Variants in GOLGA8B observed in about 807,000 individuals in gnomAD.
GOLGA8B encodes the protein golgin subfamily A member 8B.
Under a neutral mutation model 15.6 loss-of-function variants are expected in GOLGA8B, and 1 was observed. The observed-to-expected ratio is 0.06, with a 90% CI of 0.02 to 0.30. The LOEUF (loss-of-function observed/expected upper bound fraction) is 0.30, where lower values mean the gene tolerates loss of function less well. Among genes scored for constraint, GOLGA8B ranks in the 10% least tolerant of loss-of-function variants. GOLGA8B has a pLI of 1.00. For synonymous variants in GOLGA8B, 9 were observed against 80.3 expected (o/e 0.11, Z 4.75); for missense variants, 17 against 201.3 (o/e 0.08, Z 5.54).
At chr15:34,581,307 T>TGTGGTGGTGG (rs1197271729) in intron 1 of GOLGA8B, among the ~76,000 whole-genome samples, 1 of 152,174 alleles carries the variant, frequency 6.6e-6, no homozygotes, top group African/African-American at 2.4e-5. Flanking sequence ...CAGCCCTCAC[T>TGTGGTGGTGG]GCAGCCACCG....
chr15:34,575,315 T>C (rs1284971216), intron 1 of GOLGA8B, among the ~76,000 whole-genome samples: 1 of 149,296 alleles, frequency 6.7e-6, no homozygotes, highest in East Asian at 2.0e-4. Context: ...CTTCTGCTCA[T>C]ACCTCCCCAC....
chr15:34,571,667 T>C (rs1413006594), intron 1 of GOLGA8B, among the ~76,000 whole-genome samples: 1 of 150,766 alleles, frequency 6.6e-6, no homozygotes, highest in East Asian at 1.9e-4. Flanking sequence ...AAATACATTT[T>C]AGATCAAAGA....
intron 1 of GOLGA8B, among the ~76,000 whole-genome samples, chr15:34,557,298 G>A (rs143380221): frequency 0.25 from 14,969 of 59,524 alleles, 168 homozygotes; most frequent in Middle Eastern, 0.37. Context: ...CACAATGGAC[G>A]GGTGTCTGAA....
rs942477718 is a variant in GOLGA8B, at chr15:34,526,339, C to G, written c.*1293G>C. 1 of 149,524 alleles carries G rather than the reference C, an allele frequency of 6.7e-6. No individual in the cohort carries two copies. Among genetic ancestry groups the G allele is most frequent in the Non-Finnish European group, 1.5e-5 (1 of 67,270 alleles). 9.3% of individuals were successfully genotyped at this position (149,524 alleles called of 1,614,324 possible). ...TTCCTTTTTGTTTCAACTAAGTACT[C>G]TCACATATATTAGTTTATAATAATG... On this transcript the variant is annotated 3_prime_UTR_variant, in exon 24 of 24. Transcript: ENST00000683415.
chr15:34,560,754 G>GC (rs921282353), intron 1 of GOLGA8B, among the ~76,000 whole-genome samples: 1 of 91,268 alleles, frequency 1.1e-5, no homozygotes, highest in African/African-American at 3.9e-5. Flanking sequence ...GCAGGCTTGA[G>GC]CCTTCGATAG....
At chr15:34,576,561 GA>G (rs1227953691) in intron 1 of GOLGA8B, among the ~76,000 whole-genome samples, 1 of 152,196 alleles carries the variant, frequency 6.6e-6, no homozygotes, top group Non-Finnish European at 1.5e-5. Context: ...AAAGGGTAGA[GA>G]AAGTTCACAG....
In GOLGA8B at chr15:34,526,658, G is replaced by A. The variant is rs1316589722; in HGVS notation, c.*974C>T. 6.7e-6 allele frequency: 1 copy of A among 149,180 alleles called. No homozygotes were observed. The highest frequency in any genetic ancestry group is 1.5e-5 in the Non-Finnish European group (1 of 67,194). The allele number at this position is 149,180 out of a possible 1,614,324, so 9.2% of individuals were successfully genotyped here. A position where few individuals can be genotyped will look rare whatever the true frequency, so the allele number is the denominator to read the frequency against. ...TACATTAAGAAGAATGCCAACCAGC[G>A]CCCTTTCGTGTACTGGGACAGGTAG... On this transcript the variant is annotated 3_prime_UTR_variant, in exon 24 of 24. Transcript: ENST00000683415.
At chr15:34,581,922 C>G (rs1353394455) in intron 1 of GOLGA8B, among the ~76,000 whole-genome samples, 1 of 152,212 alleles carries the variant, frequency 6.6e-6, no homozygotes, top group Non-Finnish European at 1.5e-5. Flanking sequence ...CCCAACAGTA[C>G]TGCTAGAGCC....
At chr15:34,564,355 T>TA (rs58970262) in intron 1 of GOLGA8B, among the ~76,000 whole-genome samples, 13,028 of 105,252 alleles carry the variant, frequency 0.12, 187 homozygotes, top group South Asian at 0.2. Flanking sequence ...TGTAGATTCT[T>TA]AAAAAAAAAA....
intron 7 of GOLGA8B, among the ~76,000 whole-genome samples, chr15:34,542,819 G>GT (rs1168104720): frequency 7.5e-6 from 1 of 133,082 alleles, no homozygotes; most frequent in Non-Finnish European, 1.6e-5. Context: ...AGATGGATTA[G>GT]AACAGCTGGA....
At chr15:34,581,231 G>A (rs557328729) in intron 1 of GOLGA8B, among the ~76,000 whole-genome samples, 34 of 152,284 alleles carry the variant, frequency 2.2e-4, no homozygotes, top group African/African-American at 6.0e-4. Context: ...GAGGAGTGCC[G>A]GAGAGGAGCT....
rs1039446703 is a variant in GOLGA8B, at chr15:34,526,802, C to T, written c.*830G>A. The T allele has an allele frequency of 1.3e-5, 2 of 149,264 alleles. No individual in the cohort carries two copies. The highest frequency in any genetic ancestry group is 3.0e-5 in the Non-Finnish European group (2 of 67,230). 9.2% of individuals were successfully genotyped at this position (149,264 alleles called of 1,614,324 possible). A position where few individuals can be genotyped will look rare whatever the true frequency, so the allele number is the denominator to read the frequency against. ...CCAACGATGGCAGCCTTTCATTCCT[C>T]GGAAATAAGCCATTTTTAGGTCACT... On this transcript the variant is annotated 3_prime_UTR_variant, in exon 24 of 24. Coordinates refer to ENST00000683415, the MANE Select transcript of GOLGA8B (RefSeq NM_001023567.5).
At chr15:34,572,153 T>TC (rs1165752772) in intron 1 of GOLGA8B, among the ~76,000 whole-genome samples, 2 of 152,192 alleles carry the variant, frequency 1.3e-5, no homozygotes, top group Non-Finnish European at 2.9e-5. Context: ...ACTGATCATG[T>TC]CCAGAGAGTG....
chr15:34,562,667 C>G lies in GOLGA8B; in HGVS notation c.-1122-8711G>C, dbSNP rs990966799. Among the ~76,000 whole-genome samples the G allele has an allele frequency of 1.1e-4, 14 of 124,660 alleles. 1 individual carries two copies. Among genetic ancestry groups the G allele is most frequent in the African/African-American group, 3.8e-4 (14 of 36,396 alleles). The allele number at this position is 124,660 out of a possible 152,430, so 81.8% of individuals were successfully genotyped here. A position where few individuals can be genotyped will look rare whatever the true frequency, so the allele number is the denominator to read the frequency against. On this transcript the variant is annotated intron_variant, in intron 1 of 23. Coordinates refer to ENST00000683415, the MANE Select transcript of GOLGA8B (RefSeq NM_001023567.5). Reference sequence around the variant, plus strand: ...CCCAAAATATCTATTCTATGTTGCTCATCATTTGTCATCTTTTTTAAAATG... The same window carrying G: ...CCCAAAATATCTATTCTATGTTGCTGATCATTTGTCATCTTTTTTAAAATG...
Position 34,566,719 on chromosome 15 carries a change from C to T in GOLGA8B, c.-1122-12763G>A, listed in dbSNP as rs1035061844. Among the ~76,000 whole-genome samples, 15 of 142,844 alleles carry T rather than the reference C, an allele frequency of 1.1e-4. 1 individual carries two copies. The highest frequency in any genetic ancestry group is 3.3e-4 in the African/African-American group (13 of 39,240). The allele number at this position is 142,844 out of a possible 152,430, so 93.7% of individuals were successfully genotyped here. A position where few individuals can be genotyped will look rare whatever the true frequency, so the allele number is the denominator to read the frequency against. On this transcript the variant is annotated intron_variant, in intron 1 of 23. Transcript: ENST00000683415. ...AAAACCCCAGGGTCCAGCCAGGTCA[C>T]GGGCACAGGCCTGCACTCACGGGTC...
chr15:34,583,399 G>A (rs896102911), intron 1 of GOLGA8B, 117 bp downstream of exon 1: 1 of 151,752 alleles, frequency 6.6e-6, no homozygotes, highest in African/African-American at 2.4e-5. Context: ...CAGCGCTCGG[G>A]AGCTCTTGGC....
At chr15:34,570,033 C>G (rs1258712334) in intron 1 of GOLGA8B, among the ~76,000 whole-genome samples, 1 of 152,220 alleles carries the variant, frequency 6.6e-6, no homozygotes, top group Non-Finnish European at 1.5e-5. Context: ...GTCACACATG[C>G]TGGCCCCACC....
At chr15:34,569,475 GGCCACATCAC>G (rs1311882747) in intron 1 of GOLGA8B, among the ~76,000 whole-genome samples, 2 of 151,382 alleles carry the variant, frequency 1.3e-5, no homozygotes, top group Non-Finnish European at 2.9e-5. Context: ...GGCAACATGG[GGCCACATCAC>G]GCCACCCTGC....
chr15:34,565,027 G>T lies in GOLGA8B; in HGVS notation c.-1122-11071C>A, dbSNP rs148626891. ...CCATGTTTCAGCTGAGAGCCGGGTG[G>T]GTGGCAGGGGCTACGGAGAAGGTGG... On this transcript the variant is annotated intron_variant, in intron 1 of 23. Coordinates refer to ENST00000683415, the MANE Select transcript of GOLGA8B (RefSeq NM_001023567.5). Among the ~76,000 whole-genome samples, 4 of 144,292 alleles carry T rather than the reference G, an allele frequency of 2.8e-5. No homozygotes were observed. The East Asian group carries it at 7.8e-4, about 28-fold the overall frequency. The allele number at this position is 144,292 out of a possible 152,430, so 94.7% of individuals were successfully genotyped here. A position where few individuals can be genotyped will look rare whatever the true frequency, so the allele number is the denominator to read the frequency against.
Sources: allele counts gnomAD v4.1 joint callset (sites outside exome capture counted in the v4.1 genomes callset), GRCh38; gene constraint gnomAD v4.1.1; transcripts MANE v1.5; gene names NCBI Gene and HGNC (gene_info 2026-07-23, HGNC 2026-07-21).